The following P2RY8 variants were observed in gnomAD, a reference collection of about 807,000 sequenced individuals.
P2RY8 encodes P2Y receptor family member 8.
P2RY8 carries 6 observed loss-of-function variants against 10.0 expected under a neutral mutation model. That is an observed-to-expected ratio of 0.60 (90% CI 0.33 to 1.19). The LOEUF is 1.19. Among genes scored for constraint, P2RY8 ranks in the 50% most tolerant of loss-of-function variants. The probability of loss-of-function intolerance (pLI) is 0.04; values close to 1 mark genes in which losing one functional copy is unlikely to be tolerated. For synonymous variants in P2RY8, 276 were observed against 252.5 expected (o/e 1.09, Z -0.88); for missense variants, 456 against 542.0 (o/e 0.84, Z 1.58).
chrX:1,471,573 C>A (rs1285836905), intron 1 of P2RY8, among the ~76,000 whole-genome samples: 2 of 151,886 alleles, frequency 1.3e-5, no homozygotes, highest in Non-Finnish European at 2.9e-5. Context: ...TCCCAAAGTG[C>A]TGGGATGACA....
chrX:1,465,692 G>C lies in P2RY8; in HGVS notation c.867C>G (p.Asp289Glu). ...GGGACGCAAAGTAATAAACAAACGG[G>C]TCCAGACAGTTGTTGAGGCAGCTGA... ...LCLSCLNNCL[D>E]PFVYYFASRE... Residue 289 changes from aspartate (D) to glutamate (E), a missense_variant, in exon 2 of 2, where the codon GAC (aspartate) becomes GAG (glutamate). Physicochemically the swap from Asp to Glu is conservative, Grantham distance 45. Coordinates refer to ENST00000381297, the MANE Select transcript of P2RY8 (RefSeq NM_178129.5). The C allele has an allele frequency of 1.2e-6, 2 of 1,613,752 alleles. No individual in the cohort carries two copies. Among genetic ancestry groups the C allele is most frequent in the Non-Finnish European group, 1.7e-6 (2 of 1,179,850 alleles).
At chrX:1,473,094 T>G (rs2091814920) in intron 1 of P2RY8, among the ~76,000 whole-genome samples, 1 of 147,848 alleles carries the variant, frequency 6.8e-6, no homozygotes, top group African/African-American at 2.5e-5. Flanking sequence ...ACTGGAAGTG[T>G]GGGTGGATGA....
Position 1,464,914 on chromosome X carries a change from G to C in P2RY8, c.*565C>G, listed in dbSNP as rs1386177627. On this transcript the variant is annotated 3_prime_UTR_variant, in exon 2 of 2. Transcript: ENST00000381297. ...CTGAGTGAAATAAACAGAAATTTCG[G>C]CGTGCACCGGGCTACGGAGACCAGA... The C allele has an allele frequency of 8.5e-6, 2 of 234,746 alleles. No homozygotes were observed. Among genetic ancestry groups the C allele is most frequent in the African/African-American group, 4.4e-5 (2 of 45,310 alleles). 14.5% of individuals were successfully genotyped at this position (234,746 alleles called of 1,614,324 possible). A position where few individuals can be genotyped will look rare whatever the true frequency, so the allele number is the denominator to read the frequency against.
At chrX:1,512,733 C>G (rs2092308283) in intron 1 of P2RY8, among the ~76,000 whole-genome samples, 1 of 151,984 alleles carries the variant, frequency 6.6e-6, no homozygotes, top group African/African-American at 2.4e-5. Flanking sequence ...TTTATAAAAC[C>G]ATCAGATCTC....
At chrX:1,506,165 G>A (rs757626590) in intron 1 of P2RY8, among the ~76,000 whole-genome samples, 136 of 151,762 alleles carry the variant, frequency 9.0e-4, no homozygotes, top group Middle Eastern at 6.8e-3. Context: ...GCTAATTTTT[G>A]TATTTTTAGT....
intron 1 of P2RY8, among the ~76,000 whole-genome samples, chrX:1,526,766 C>T (rs747984173): frequency 1.4e-3 from 209 of 152,256 alleles, no homozygotes; most frequent in African/African-American, 5.0e-3. Context: ...CTTACTCATC[C>T]ATCCATTAAT....
rs1213448139 is a variant in P2RY8 at position 1,532,493 on chromosome X, AT to A, written c.-25+4427del. Among the ~76,000 whole-genome samples the A allele has an allele frequency of 1.5e-5, 2 of 130,334 alleles. 1 individual carries two copies. The highest frequency in any genetic ancestry group is 6.3e-5 in the African/African-American group (2 of 31,822). 85.5% of individuals were successfully genotyped at this position (130,334 alleles called of 152,430 possible). A position where few individuals can be genotyped will look rare whatever the true frequency, so the allele number is the denominator to read the frequency against. ...TATGTATAGATGTATATGTGTATAT[AT>A]ACACATATATGTATAGATGTATATG... On this transcript the variant is annotated intron_variant, in intron 1 of 1. Transcript: ENST00000381297.
At chrX:1,467,278 T>G (rs2149371997) in intron 1 of P2RY8, among the ~76,000 whole-genome samples, 1 of 152,286 alleles carries the variant, frequency 6.6e-6, no homozygotes, top group South Asian at 2.1e-4. Flanking sequence ...TCCTCCCTGC[T>G]CTTTCTTCCT....
At chrX:1,515,801 A>T (rs73186928) in intron 1 of P2RY8, among the ~76,000 whole-genome samples, 1 of 151,660 alleles carries the variant, frequency 6.6e-6, no homozygotes, top group Admixed American at 6.6e-5. Flanking sequence ...TGCTGTCAGG[A>T]GGTGAGAGCT....
intron 1 of P2RY8, among the ~76,000 whole-genome samples, chrX:1,531,820 C>T (rs113642995): frequency 0.071 from 10,804 of 152,188 alleles, 525 homozygotes; most frequent in Non-Finnish European, 0.1. Context: ...CTCAACATCA[C>T]GAATGATCAG....
chrX:1,481,985 G>C (rs1402806741), intron 1 of P2RY8, among the ~76,000 whole-genome samples: 2 of 152,166 alleles, frequency 1.3e-5, no homozygotes, highest in African/African-American at 4.8e-5. Context: ...GCTGTCCTCC[G>C]CAGACGCCCC....
intron 1 of P2RY8, among the ~76,000 whole-genome samples, chrX:1,501,385 G>T (rs2092177605): frequency 6.6e-6 from 1 of 152,052 alleles, no homozygotes; most frequent in African/African-American, 2.4e-5. Flanking sequence ...GAGACATAAG[G>T]TCTTGCTCTG....
At chrX:1,532,323 C>T (rs867787270) in intron 1 of P2RY8, among the ~76,000 whole-genome samples, 44 of 145,420 alleles carry the variant, frequency 3.0e-4, no homozygotes, top group South Asian at 8.7e-4. Context: ...TATACACACA[C>T]GTATATATAC....
intron 1 of P2RY8, among the ~76,000 whole-genome samples, chrX:1,510,699 G>A (rs2092292451): frequency 6.6e-6 from 1 of 152,036 alleles, no homozygotes; most frequent in Non-Finnish European, 1.5e-5. Context: ...CGACCACAGT[G>A]AAACCCTATC....
chrX:1,499,130 A>G (rs1257349098), intron 1 of P2RY8, among the ~76,000 whole-genome samples: 1 of 141,246 alleles, frequency 7.1e-6, no homozygotes, highest in African/African-American at 2.7e-5. Flanking sequence ...CCTGCACCCA[A>G]CCCTCTGTTT....
chrX:1,483,025 A>G (rs1243897421), intron 1 of P2RY8, among the ~76,000 whole-genome samples: 2 of 152,134 alleles, frequency 1.3e-5, no homozygotes, highest in Non-Finnish European at 2.9e-5. Context: ...GCACACCAAC[A>G]TGGCACATGT....
At chrX:1,530,986 CCTAT>C (rs2092470885) in intron 1 of P2RY8, among the ~76,000 whole-genome samples, 1 of 148,580 alleles carries the variant, frequency 6.7e-6, no homozygotes, top group Non-Finnish European at 1.5e-5. Context: ...TATGTATGTA[CCTAT>C]CTAATTTATG....
intron 1 of P2RY8, among the ~76,000 whole-genome samples, chrX:1,514,250 C>G (rs1469703098): frequency 6.6e-6 from 1 of 152,174 alleles, no homozygotes; most frequent in Non-Finnish European, 1.5e-5. Flanking sequence ...GCTGGCTCTT[C>G]TCTCTGCCTA....
At chrX:1,525,808 A>G (rs2092436011) in intron 1 of P2RY8, among the ~76,000 whole-genome samples, 4 of 151,472 alleles carry the variant, frequency 2.6e-5, no homozygotes, top group Admixed American at 2.6e-4. Context: ...CCATACATCC[A>G]CTATTCATTC....
Sources: allele counts gnomAD v4.1 joint callset (sites outside exome capture counted in the v4.1 genomes callset), GRCh38; gene constraint gnomAD v4.1.1; transcripts MANE v1.5; gene names NCBI Gene and HGNC (gene_info 2026-07-23, HGNC 2026-07-21).